EFHC2: variants seen among roughly 807,000 people sequenced by gnomAD.
EFHC2 encodes the protein EF-hand domain-containing family member C2.
A neutral mutation model predicts 52.7 loss-of-function variants in EFHC2; 18 were observed. The ratio of observed to expected loss-of-function variants is 0.34; its 90% CI spans 0.24 to 0.51. The LOEUF (loss-of-function observed/expected upper bound fraction) is 0.51. Among genes scored for constraint, EFHC2 ranks in the 20% least tolerant of loss-of-function variants. The pLI, the probability that EFHC2 is intolerant of heterozygous loss-of-function variation, is 0.97. For synonymous variants in EFHC2, 203 were observed against 204.1 expected (o/e 0.99, Z 0.04); for missense variants, 513 against 562.5 (o/e 0.91, Z 0.89).
In EFHC2 at chrX:44,178,441, G is replaced by A. The variant is rs41309737; in HGVS notation, c.1875C>T (p.His625=). 7.4e-5 allele frequency: 89 copies of A among 1,204,086 alleles called. No homozygotes were observed. The South Asian group carries it at 7.4e-4, about 10-fold the overall frequency. ...CAAACATATTTTTCTTGAACTTTTCGTGGGCCAGTGCGATTAAGAAATCCA... is the reference window on the plus strand; with the variant it reads ...CAAACATATTTTTCTTGAACTTTTCATGGGCCAGTGCGATTAAGAAATCCA... ...SDMDFLIALA[H]EKFKKNMFEN... is the part of the protein sequence containing the mutation. The change falls in exon 12 of 15, where the codon CAC becomes CAT. Residue 625 remains histidine (H), a synonymous_variant. Transcript: ENST00000420999.
At chrX:44,278,350 G>A (rs1256790657) in intron 2 of EFHC2, among the ~76,000 whole-genome samples, 1 of 112,279 alleles carries the variant, frequency 8.9e-6, no homozygotes, top group African/African-American at 3.2e-5. Flanking sequence ...ACTCCAGCCT[G>A]AGCAACGACA....
At chrX:44,278,541 G>A (rs1287183443) in intron 2 of EFHC2, among the ~76,000 whole-genome samples, 1 of 111,454 alleles carries the variant, frequency 9.0e-6, no homozygotes, top group Non-Finnish European at 1.9e-5. Flanking sequence ...GAAAAAGGCA[G>A]AAGCAGGAAG....
At chrX:44,197,237 T>G (rs2036972216) in intron 11 of EFHC2, among the ~76,000 whole-genome samples, 1 of 111,901 alleles carries the variant, frequency 8.9e-6, no homozygotes, top group African/African-American at 3.3e-5. Flanking sequence ...GTCAATATGA[T>G]CCTATTAAGT....
intron 11 of EFHC2, among the ~76,000 whole-genome samples, chrX:44,220,736 C>T (rs2037187459): frequency 8.9e-6 from 1 of 112,210 alleles, no homozygotes; most frequent in African/African-American, 3.2e-5. Context: ...TATTGTTGGG[C>T]ATTTTATTTT....
intron 7 of EFHC2, among the ~76,000 whole-genome samples, chrX:44,246,826 A>AT (rs2037404571): frequency 8.9e-6 from 1 of 112,507 alleles, no homozygotes. Context: ...TTAAGGAATC[A>AT]TATAATGCTT....
At chrX:44,192,480 A>G (rs2036929375) in intron 11 of EFHC2, among the ~76,000 whole-genome samples, 1 of 111,925 alleles carries the variant, frequency 8.9e-6, no homozygotes, top group Admixed American at 9.5e-5. Context: ...TCACATTTTT[A>G]CCAAGGTATA....
At chrX:44,207,451 C>T (rs986854303) in intron 11 of EFHC2, among the ~76,000 whole-genome samples, 2 of 109,631 alleles carry the variant, frequency 1.8e-5, no homozygotes, top group East Asian at 2.9e-4. Flanking sequence ...GCGGAGGTTA[C>T]GGTGAGCTGA....
chrX:44,210,244 G>A (rs1017328475), intron 11 of EFHC2, among the ~76,000 whole-genome samples: 2 of 111,427 alleles, frequency 1.8e-5, no homozygotes, highest in African/African-American at 6.5e-5. Context: ...TAGTCAAAAG[G>A]CTCAATATTG....
intron 11 of EFHC2, among the ~76,000 whole-genome samples, chrX:44,216,429 A>T (rs953864655): frequency 6.3e-5 from 7 of 111,696 alleles, no homozygotes; most frequent in African/African-American, 2.3e-4. Flanking sequence ...AGGTGGCAGG[A>T]CCTCTTACAC....
chrX:44,189,122 CA>C (rs35770665), intron 11 of EFHC2, among the ~76,000 whole-genome samples: 1,935 of 46,299 alleles, frequency 0.042, 61 homozygotes, highest in African/African-American at 0.14. Flanking sequence ...GACTCTATCT[CA>C]AAAAAAAAAA....
At chrX:44,186,114 G>C (rs1042120280) in intron 11 of EFHC2, among the ~76,000 whole-genome samples, 11 of 111,331 alleles carry the variant, frequency 9.9e-5, no homozygotes, top group African/African-American at 3.6e-4. Flanking sequence ...AATTTATTTA[G>C]TTTGAAATTC....
intron 10 of EFHC2, among the ~76,000 whole-genome samples, chrX:44,231,233 C>G (rs1434118096): frequency 8.9e-6 from 1 of 111,894 alleles, no homozygotes; most frequent in Non-Finnish European, 1.9e-5. Flanking sequence ...GCTGCCATAC[C>G]TTCCGGATTC....
At chrX:44,330,406 T>G (rs1459105975) in intron 1 of EFHC2, among the ~76,000 whole-genome samples, 1 of 111,976 alleles carries the variant, frequency 8.9e-6, no homozygotes, top group Non-Finnish European at 1.9e-5. Context: ...AAAGATACTG[T>G]TAACAGGATG....
At chrX:44,272,566 C>A (rs2037625216) in intron 3 of EFHC2, 120 bp downstream of exon 3, 1 of 707,736 alleles carries the variant, frequency 1.4e-6, no homozygotes, top group African/African-American at 2.2e-5. Flanking sequence ...ATATTCACCA[C>A]TGCCAGCAGG....
intron 13 of EFHC2, among the ~76,000 whole-genome samples, chrX:44,174,094 G>T (rs946238024): frequency 1.8e-5 from 2 of 112,240 alleles, no homozygotes; most frequent in African/African-American, 6.5e-5. Flanking sequence ...GTGGTCTATG[G>T]TCCCTGACTT....
chrX:44,338,947 T>C (rs1478352361), intron 1 of EFHC2, among the ~76,000 whole-genome samples: 1 of 110,966 alleles, frequency 9.0e-6, no homozygotes, highest in Non-Finnish European at 1.9e-5. Context: ...TCCCAGCACT[T>C]TGGGAGGCTG....
chrX:44,148,915 T>G lies in EFHC2; in HGVS notation c.2149-19A>C, dbSNP rs759518776. The G allele has an allele frequency of 1.2e-5, 13 of 1,125,236 alleles. No homozygotes were observed. The highest frequency in any genetic ancestry group is 1.6e-5 in the Non-Finnish European group (13 of 837,492). 92.7% of individuals were successfully genotyped at this position (1,125,236 alleles called of 1,213,427 possible). A position where few individuals can be genotyped will look rare whatever the true frequency, so the allele number is the denominator to read the frequency against. On this transcript the variant is annotated intron_variant, in intron 14 of 14. Transcript: ENST00000420999. ...CACATCTCTAGAAAAAAACCAAAAA[T>G]GGATATGATTAGAACCACATTTCAA...
At chrX:44,168,536 G>GA (rs138015039) in intron 13 of EFHC2, among the ~76,000 whole-genome samples, 10,410 of 84,858 alleles carry the variant, frequency 0.12, 620 homozygotes, top group African/African-American at 0.22. Context: ...CGTCTCAAAA[G>GA]AAAAAAAAAA....
intron 11 of EFHC2, among the ~76,000 whole-genome samples, chrX:44,180,753 T>TAAAA (rs2036828024): frequency 1.0e-5 from 1 of 100,276 alleles, no homozygotes; most frequent in East Asian, 3.2e-4. Context: ...AATAAATAAA[T>TAAAA]AAATAAAAAT....
Sources: gnomAD v4.1 joint callset for allele counts (sites outside exome capture counted in the v4.1 genomes callset) on GRCh38, gnomAD v4.1.1 for gene constraint, MANE v1.5 for transcripts, NCBI Gene and HGNC (gene_info 2026-07-23, HGNC 2026-07-21) for gene names.